The following TPST1 variants were observed in gnomAD, a reference collection of about 807,000 sequenced individuals.
TPST1 encodes tyrosylprotein sulfotransferase 1, also known as protein-tyrosine sulfotransferase 1.
In TPST1, 20 loss-of-function variants were observed where a neutral mutation model predicts 34.8. The ratio of observed to expected loss-of-function variants is 0.57; its 90% CI spans 0.40 to 0.84. TPST1 has a LOEUF of 0.84. TPST1 is among the 40% of genes least tolerant of loss of function. TPST1 has a pLI of 0.00. For synonymous variants in TPST1, 152 were observed against 159.4 expected (o/e 0.95, Z 0.35); for missense variants, 353 against 455.5 (o/e 0.78, Z 2.05).
intron 1 of TPST1, among the ~76,000 whole-genome samples, chr7:66,237,302 C>T (rs868177126): frequency 5.9e-5 from 9 of 152,192 alleles, no homozygotes; most frequent in African/African-American, 2.2e-4. Context: ...TAACCTTACA[C>T]AGACCCTCAT....
At chr7:66,199,639 A>C in the TPST1 span, among the ~76,000 whole-genome samples, 150 of 147,572 alleles carry the variant, frequency 1.0e-3, no homozygotes, top group Admixed American at 2.9e-3. Flanking sequence ...GCCATTTCCC[A>C]CCTCTGCCAC....
At chr7:66,320,096 C>G (rs897880305) in intron 3 of TPST1, among the ~76,000 whole-genome samples, 5 of 152,104 alleles carry the variant, frequency 3.3e-5, no homozygotes, top group Non-Finnish European at 7.4e-5. Flanking sequence ...CTGAGACATT[C>G]CACAATTCCC....
At chr7:66,230,453 G>A (rs554115187) in intron 1 of TPST1, among the ~76,000 whole-genome samples, 1 of 152,250 alleles carries the variant, frequency 6.6e-6, no homozygotes, top group Admixed American at 6.5e-5. Flanking sequence ...TCTGACATTC[G>A]GCTGTGTTCG....
At chr7:66,324,837 A>G (rs573498624) in intron 3 of TPST1, among the ~76,000 whole-genome samples, 10 of 149,518 alleles carry the variant, frequency 6.7e-5, no homozygotes, top group African/African-American at 2.2e-4. Context: ...AAAACAAGAC[A>G]AAACACTCAT....
upstream of TPST1, among the ~76,000 whole-genome samples, chr7:66,201,706 G>A (rs907191046): frequency 7.9e-5 from 12 of 151,232 alleles, no homozygotes; most frequent in East Asian, 2.3e-3. Flanking sequence ...AAAAAAATTA[G>A]CAGGGAGTGG....
chr7:66,347,807 G>C (rs1792386121), intron 3 of TPST1, among the ~76,000 whole-genome samples: 1 of 152,108 alleles, frequency 6.6e-6, no homozygotes, highest in South Asian at 2.1e-4. Flanking sequence ...AAATGCTACT[G>C]ATTTTTGTAT....
Position 66,356,882 on chromosome 7 carries a change from G to A in TPST1, c.*29+11G>A, listed in dbSNP as rs1792593002. On this transcript the variant is annotated intron_variant, in intron 5 of 5. Transcript: ENST00000304842. ...TCTTCCATACATGAGGTGAGGGTTGGGGGACATTGCCAGGTCTTTCTGTTT... is the reference window on the plus strand; with the variant it reads ...TCTTCCATACATGAGGTGAGGGTTGAGGGACATTGCCAGGTCTTTCTGTTT... The A allele has an allele frequency of 6.2e-7, 1 of 1,613,828 alleles. No homozygotes were observed. The highest frequency in any genetic ancestry group is 1.7e-5 in the Admixed American group (1 of 59,964).
intron 3 of TPST1, among the ~76,000 whole-genome samples, chr7:66,313,322 G>A (rs1791569392): frequency 6.6e-6 from 1 of 152,102 alleles, no homozygotes; most frequent in South Asian, 2.1e-4. Flanking sequence ...GGCTGAGGCA[G>A]GAGAATCATT....
chr7:66,246,179 ATTTTTTTTTTTTTTTT>A (rs35051150), intron 2 of TPST1, among the ~76,000 whole-genome samples: 15 of 92,398 alleles, frequency 1.6e-4, no homozygotes, highest in South Asian at 4.2e-4. Context: ...TGCCTGGCTA[ATTTTTTTTTTTTTTTT>A]TTTTTTTTTT....
Position 66,224,715 on chromosome 7 carries a change from A to G in TPST1, c.-101-15610A>G, listed in dbSNP as rs965881629. On this transcript the variant is annotated intron_variant, in intron 1 of 5. Transcript: ENST00000304842. ...ATCTTAGTTTATAAAATTTGCAAAT[A>G]TGTAAGTATAGAAATGTAATGTCAG... 1.2e-4 allele frequency among the ~76,000 whole-genome samples: 18 copies of G among 152,044 alleles called. 1 individual carries two copies. Among genetic ancestry groups the G allele is most frequent in the Admixed American group, 1.2e-3 (18 of 15,242 alleles).
chr7:66,252,676 A>G (rs190407791), intron 2 of TPST1, among the ~76,000 whole-genome samples: 4 of 152,212 alleles, frequency 2.6e-5, no homozygotes, highest in Middle Eastern at 3.4e-3. Flanking sequence ...TTTTTTGTCA[A>G]TGACCTCACT....
intron 1 of TPST1, among the ~76,000 whole-genome samples, chr7:66,234,617 AT>A (rs1789872721): frequency 6.6e-6 from 1 of 152,102 alleles, no homozygotes; most frequent in Non-Finnish European, 1.5e-5. Context: ...TGCTCTATGG[AT>A]GTATAGATCC....
In TPST1 at chr7:66,320,245, CTTTTTTTTTTTTT is replaced by C. The variant is rs569746911; in HGVS notation, c.1045-32252_1045-32240del. On this transcript the variant is annotated intron_variant, in intron 3 of 5. Coordinates refer to ENST00000304842, the MANE Select transcript of TPST1 (RefSeq NM_003596.4). The stretch of plus-strand genomic sequence containing the variant: ...TTTCTTTCTTTCTTTTTTTCTTTTT[CTTTTTTTTTTTTT>C]TTTTTTTGAGACGGAGTCTTGCTCT... Among the ~76,000 whole-genome samples the C allele has an allele frequency of 1.3e-3, 158 of 126,390 alleles. 1 individual carries two copies. The highest frequency in any genetic ancestry group is 4.3e-3 in the African/African-American group (145 of 33,638). The allele number at this position is 126,390 out of a possible 152,430, so 82.9% of individuals were successfully genotyped here. A position where few individuals can be genotyped will look rare whatever the true frequency, so the allele number is the denominator to read the frequency against.
rs749721364 is a variant in TPST1 at position 66,270,295 on chromosome 7, G to A, written c.846-16216G>A. ...TGTGGGACCTTGTAGACCACTGGAA[G>A]GACTATTTTAAAAATTACCTTAATG... On this transcript the variant is annotated intron_variant, in intron 2 of 5. Transcript: ENST00000304842. Among the ~76,000 whole-genome samples, 69 of 152,110 alleles carry A rather than the reference G, an allele frequency of 4.5e-4. 1 individual carries two copies. Among genetic ancestry groups the A allele is most frequent in the Admixed American group, 3.9e-4 (6 of 15,266 alleles).
intron 3 of TPST1, among the ~76,000 whole-genome samples, chr7:66,325,343 G>A (rs1791842647): frequency 6.6e-6 from 1 of 152,054 alleles, no homozygotes; most frequent in Non-Finnish European, 1.5e-5. Flanking sequence ...TTTGGATGGG[G>A]ACACAAAGCC....
chr7:66,328,557 T>G (rs1791918768), intron 3 of TPST1, among the ~76,000 whole-genome samples: 1 of 151,214 alleles, frequency 6.6e-6, no homozygotes, highest in Non-Finnish European at 1.5e-5. Flanking sequence ...TTTTTTGTTG[T>G]TTTTTTTGAG....
chr7:66,270,787 T>C (rs550064751), intron 2 of TPST1, among the ~76,000 whole-genome samples: 2 of 152,342 alleles, frequency 1.3e-5, no homozygotes, highest in South Asian at 2.1e-4. Flanking sequence ...TTAATCACAC[T>C]CAAGGTCTTA....
intron 2 of TPST1, among the ~76,000 whole-genome samples, chr7:66,279,722 G>T (rs977768136): frequency 1.3e-5 from 2 of 152,166 alleles, no homozygotes; most frequent in African/African-American, 4.8e-5. Flanking sequence ...TTCTCTAAAT[G>T]AAAATACAAT....
At chr7:66,337,111 G>A (rs1237851266) in intron 3 of TPST1, among the ~76,000 whole-genome samples, 1 of 152,038 alleles carries the variant, frequency 6.6e-6, no homozygotes, top group Non-Finnish European at 1.5e-5. Context: ...AATGCTAAAG[G>A]GAGCTGTTCA....
Sources: allele counts gnomAD v4.1 joint callset (sites outside exome capture counted in the v4.1 genomes callset), GRCh38; gene constraint gnomAD v4.1.1; transcripts MANE v1.5; gene names NCBI Gene and HGNC (gene_info 2026-07-23, HGNC 2026-07-21).